PLCB4: variants seen among roughly 807,000 people sequenced by gnomAD.
The protein encoded by PLCB4 is 1-phosphatidylinositol 4,5-bisphosphate phosphodiesterase beta-4.
A neutral mutation model predicts 178.8 loss-of-function variants in PLCB4; 77 were observed. That is an observed-to-expected ratio of 0.43 (90% confidence interval 0.36 to 0.52). PLCB4 has a LOEUF of 0.52. PLCB4 is among the 20% of genes least tolerant of loss of function. PLCB4 has a pLI of 0.00. For synonymous variants in PLCB4, 496 were observed against 490.8 expected (o/e 1.01, Z -0.14); for missense variants, 1,024 against 1,453.4 (o/e 0.70, Z 4.80).
At chr20:9,207,963 A>G (rs2093632250) in intron 2 of PLCB4, among the ~76,000 whole-genome samples, 1 of 152,206 alleles carries the variant, frequency 6.6e-6, no homozygotes. Context: ...GCTGGTATAT[A>G]GGGTATTTTA....
At chr20:9,371,160 A>C (rs1349879684) in intron 9 of PLCB4, 54 bp from the exon 10 acceptor site, 2 of 1,135,084 alleles carry the variant, frequency 1.8e-6, no homozygotes, top group Non-Finnish European at 1.3e-6. Context: ...TTTGCATCAG[A>C]GAAAACATAA....
At position 9,225,376 on chromosome 20, in the gene PLCB4, TA is replaced by T. The variant is rs11309496; in HGVS notation, c.-16+7928del. Among the ~76,000 whole-genome samples, 963 of 152,304 alleles carry T rather than the reference TA, an allele frequency of 6.3e-3. 14 individuals are homozygous for T. Among genetic ancestry groups the T allele is most frequent in the African/African-American group, 0.022 (925 of 41,556 alleles). On this transcript the variant is annotated intron_variant, in intron 3 of 39. Coordinates refer to ENST00000378473, the MANE Select transcript of PLCB4 (RefSeq NM_001377142.1). ...TGTCTTGGTTTTCAGGTGAACTTTT[TA>T]AAAGGTTGTATTAGCATTGTTAATT...
intron 2 of PLCB4, among the ~76,000 whole-genome samples, chr20:9,109,798 C>T (rs969116606): frequency 3.9e-5 from 6 of 152,048 alleles, no homozygotes; most frequent in Admixed American, 1.3e-4. Context: ...CAGTCATTGT[C>T]TTAATTAACT....
chr20:9,377,976 A>C (rs1044434187), intron 12 of PLCB4, among the ~76,000 whole-genome samples: 2 of 152,180 alleles, frequency 1.3e-5, no homozygotes, highest in African/African-American at 4.8e-5. Context: ...GATTCAGTAG[A>C]TCTAGGGAGG....
At chr20:9,229,962 A>G (rs754927622) in intron 3 of PLCB4, among the ~76,000 whole-genome samples, 1 of 152,100 alleles carries the variant, frequency 6.6e-6, no homozygotes, top group Admixed American at 6.6e-5. Context: ...TTCCACTGGT[A>G]ATGAAAATGA....
Position 9,457,398 on chromosome 20 carries a change from A to C in PLCB4, c.2997-16A>C. On this transcript the variant is annotated splice_polypyrimidine_tract_variant and intron_variant, in intron 33 of 39. Transcript: ENST00000378473. ...TATCTAATTTCTGGCATGCATTTGC[A>C]ACTTTCCATTTTCAGGGGAAGTAAT... The C allele has an allele frequency of 7.5e-7, 1 of 1,335,216 alleles. No individual in the cohort carries two copies. The allele number at this position is 1,335,216 out of a possible 1,614,324, so 82.7% of individuals were successfully genotyped here.
In PLCB4 at chr20:9,249,508, G is replaced by A. The variant is rs781472062; in HGVS notation, c.-16+32056G>A. ...TTTTTAAATTTTCTGTAGAGACAGG[G>A]CCTTGCTATGTTGCCCAGGCTGGTC... On this transcript the variant is annotated intron_variant, in intron 3 of 39. Coordinates refer to ENST00000378473, the MANE Select transcript of PLCB4 (RefSeq NM_001377142.1). Among the ~76,000 whole-genome samples the A allele has an allele frequency of 2.6e-5, 4 of 152,158 alleles. No individual in the cohort carries two copies. The South Asian group carries it at 8.3e-4, about 32-fold the overall frequency.
intron 2 of PLCB4, among the ~76,000 whole-genome samples, chr20:9,152,665 G>T (rs1197938824): frequency 6.6e-6 from 1 of 152,202 alleles, no homozygotes; most frequent in Non-Finnish European, 1.5e-5. Context: ...ACTTCTGCTA[G>T]GGCATCGTGG....
chr20:9,227,850 T>A (rs991650621), intron 3 of PLCB4, among the ~76,000 whole-genome samples: 2 of 152,204 alleles, frequency 1.3e-5, no homozygotes, highest in Non-Finnish European at 2.9e-5. Context: ...AAAAATGTAA[T>A]ACTTTTATTA....
At chr20:9,091,263 C>T (rs1466895640) in intron 1 of PLCB4, among the ~76,000 whole-genome samples, 1 of 151,864 alleles carries the variant, frequency 6.6e-6, no homozygotes, top group African/African-American at 2.4e-5. Flanking sequence ...TTATAAGTCT[C>T]GACAACTGTA....
intron 2 of PLCB4, among the ~76,000 whole-genome samples, chr20:9,197,619 G>A (rs2093488581): frequency 6.6e-6 from 1 of 152,170 alleles, no homozygotes; most frequent in Admixed American, 6.5e-5. Context: ...AGACCACCCT[G>A]GGACCTGTAT....
rs1443678868 is a variant in PLCB4, at chr20:9,355,828, G to T, written c.370-7068G>T. On this transcript the variant is annotated intron_variant, in intron 7 of 39. Transcript: ENST00000378473. ...TATATACCCAGTAATGGGATGGCTG[G>T]GTCAAATGGTATTTCTAGTTCTAGA... 1.1e-4 allele frequency among the ~76,000 whole-genome samples: 17 copies of T among 152,102 alleles called. No individual in the cohort carries two copies. In the East Asian group the frequency reaches 2.3e-3, roughly 21 times the overall value.
chr20:9,157,945 T>G (rs1356948238), intron 2 of PLCB4, among the ~76,000 whole-genome samples: 2 of 152,098 alleles, frequency 1.3e-5, no homozygotes, highest in East Asian at 3.9e-4. Context: ...CAAGCAAAAC[T>G]AATTTATGTT....
intron 2 of PLCB4, among the ~76,000 whole-genome samples, chr20:9,112,511 C>T (rs2091617955): frequency 6.6e-6 from 1 of 152,126 alleles, no homozygotes; most frequent in Non-Finnish European, 1.5e-5. Context: ...ACTTCGACCT[C>T]CCAAAGTGCT....
At chr20:9,103,971 A>G (rs1158279254) in intron 2 of PLCB4, among the ~76,000 whole-genome samples, 1 of 152,102 alleles carries the variant, frequency 6.6e-6, no homozygotes, top group Non-Finnish European at 1.5e-5. Context: ...GAGCCTCTAA[A>G]TTGGTCTCTG....
At chr20:9,182,974 AGGATTCAAC>A (rs1463029934) in intron 2 of PLCB4, among the ~76,000 whole-genome samples, 4 of 152,198 alleles carry the variant, frequency 2.6e-5, no homozygotes, top group Non-Finnish European at 2.9e-5. Flanking sequence ...CAGTGACTTC[AGGATTCAAC>A]GTGTCTTTCT....
chr20:9,320,084 A>G (rs2094942983), intron 4 of PLCB4, among the ~76,000 whole-genome samples: 1 of 152,214 alleles, frequency 6.6e-6, no homozygotes, highest in Non-Finnish European at 1.5e-5. Context: ...TTTATTAAGA[A>G]AGTAAAGAAA....
intron 2 of PLCB4, among the ~76,000 whole-genome samples, chr20:9,215,927 C>T (rs538392176): frequency 5.5e-4 from 84 of 152,244 alleles, no homozygotes; most frequent in African/African-American, 2.0e-3. Context: ...AATAAAATGA[C>T]CTGAGAATTT....
intron 35 of PLCB4, among the ~76,000 whole-genome samples, chr20:9,461,672 T>A (rs1400154504): frequency 6.6e-6 from 1 of 152,176 alleles, no homozygotes; most frequent in Non-Finnish European, 1.5e-5. Context: ...AGCAGTCAGA[T>A]CGAACCGTGA....
Sources: allele counts gnomAD v4.1 joint callset (sites outside exome capture counted in the v4.1 genomes callset), GRCh38; gene constraint gnomAD v4.1.1; transcripts MANE v1.5; gene names NCBI Gene and HGNC (gene_info 2026-07-23, HGNC 2026-07-21).